FAM13C: variants seen among roughly 807,000 people sequenced by gnomAD.
FAM13C encodes protein FAM13C.
Under a neutral mutation model 73.2 loss-of-function variants are expected in FAM13C, and 37 were observed. That is an observed-to-expected ratio of 0.51 (90% confidence interval 0.39 to 0.67). The LOEUF is 0.67. Ranked by LOEUF, FAM13C falls within the 30% of genes least tolerant of loss-of-function variation. The pLI is 0.00. For synonymous variants in FAM13C, 246 were observed against 260.9 expected (o/e 0.94, Z 0.55); for missense variants, 589 against 715.6 (o/e 0.82, Z 2.02).
intron 4 of FAM13C, among the ~76,000 whole-genome samples, chr10:59,312,393 C>T (rs906948778): frequency 6.6e-6 from 1 of 152,246 alleles, no homozygotes; most frequent in East Asian, 1.9e-4. Context: ...CTCTATCCTT[C>T]ACCTGTCATC....
At chr10:59,254,120 A>G in intron 11 of FAM13C, 1 of 394,730 alleles carries the variant, frequency 2.5e-6, no homozygotes, top group Non-Finnish European at 4.5e-6. Flanking sequence ...TTGGCTCTAG[A>G]CATACAAGTG....
chr10:59,340,095 T>C (rs1317360386), intron 3 of FAM13C, among the ~76,000 whole-genome samples: 1 of 152,198 alleles, frequency 6.6e-6, no homozygotes, highest in Non-Finnish European at 1.5e-5. Context: ...GTTATGGCCT[T>C]GCAATCAGAT....
At chr10:59,331,072 A>G (rs966752860) in intron 3 of FAM13C, among the ~76,000 whole-genome samples, 2 of 152,184 alleles carry the variant, frequency 1.3e-5, no homozygotes, top group Non-Finnish European at 2.9e-5. Context: ...ATCAGGGGCT[A>G]CATTCTGTGC....
At chr10:59,309,366 C>T (rs1848666242) in intron 4 of FAM13C, among the ~76,000 whole-genome samples, 1 of 152,180 alleles carries the variant, frequency 6.6e-6, no homozygotes, top group Non-Finnish European at 1.5e-5. Flanking sequence ...TCTTTCACTA[C>T]CCTTCTGCAC....
intron 6 of FAM13C, among the ~76,000 whole-genome samples, chr10:59,280,192 A>G (rs1844774629): frequency 6.6e-6 from 1 of 152,196 alleles, no homozygotes; most frequent in Non-Finnish European, 1.5e-5. Context: ...TCTGGGAGTG[A>G]AGATTTCCTA....
At chr10:59,313,673 C>A (rs905929845) in intron 4 of FAM13C, among the ~76,000 whole-genome samples, 17 of 152,136 alleles carry the variant, frequency 1.1e-4, no homozygotes, top group African/African-American at 3.9e-4. Context: ...TAGAGGGAAG[C>A]TAAGGTCTAG....
intron 8 of FAM13C, among the ~76,000 whole-genome samples, chr10:59,268,008 C>T (rs189635673): frequency 6.6e-6 from 1 of 152,202 alleles, no homozygotes; most frequent in East Asian, 1.9e-4. Context: ...AAACTAGTGT[C>T]TCTCTGATGG....
chr10:59,268,313 A>T (rs940342057), intron 8 of FAM13C, among the ~76,000 whole-genome samples: 3 of 152,328 alleles, frequency 2.0e-5, no homozygotes, highest in Non-Finnish European at 4.4e-5. Flanking sequence ...TCAATAATCA[A>T]ATAAGTTTGG....
chr10:59,315,030 T>C (rs1390040012), intron 4 of FAM13C, among the ~76,000 whole-genome samples: 1 of 152,186 alleles, frequency 6.6e-6, no homozygotes, highest in Non-Finnish European at 1.5e-5. Flanking sequence ...TCTCTCCTAA[T>C]ATTCTGCTAA....
chr10:59,254,308 C>T (rs1423702715), intron 11 of FAM13C, 40 bp downstream of exon 11: 1 of 1,336,614 alleles, frequency 7.5e-7, no homozygotes, highest in South Asian at 1.4e-5. Flanking sequence ...GTTAACTACA[C>T]ATCAGTACAA....
intron 6 of FAM13C, among the ~76,000 whole-genome samples, chr10:59,281,035 G>A (rs1015507094): frequency 6.6e-6 from 1 of 152,040 alleles, no homozygotes; most frequent in Admixed American, 6.5e-5. Context: ...ATTACTAATT[G>A]AATTTTTATA....
chr10:59,319,972 C>T (rs1400520039), intron 4 of FAM13C, among the ~76,000 whole-genome samples: 3 of 152,172 alleles, frequency 2.0e-5, no homozygotes, highest in African/African-American at 7.2e-5. Context: ...ACATTTTCAT[C>T]CAGGAGGACT....
At chr10:59,322,290 G>C (rs1422279977) in intron 4 of FAM13C, among the ~76,000 whole-genome samples, 1 of 152,164 alleles carries the variant, frequency 6.6e-6, no homozygotes, top group Non-Finnish European at 1.5e-5. Context: ...ACTTAACTAA[G>C]AGTACTAGAC....
chr10:59,280,509 T>C (rs1386770899), intron 6 of FAM13C, among the ~76,000 whole-genome samples: 1 of 152,216 alleles, frequency 6.6e-6, no homozygotes, highest in Non-Finnish European at 1.5e-5. Context: ...CAGACAGAAC[T>C]TGACATTATC....
At chr10:59,362,056 T>C (rs903365108) in intron 1 of FAM13C, among the ~76,000 whole-genome samples, 3 of 152,184 alleles carry the variant, frequency 2.0e-5, no homozygotes, top group African/African-American at 7.2e-5. Flanking sequence ...GTGCACTCCA[T>C]GAAAACTGAC....
chr10:59,279,791 G>A (rs975708171), intron 6 of FAM13C, among the ~76,000 whole-genome samples: 1 of 152,182 alleles, frequency 6.6e-6, no homozygotes, highest in Non-Finnish European at 1.5e-5. Context: ...TATTATGTGG[G>A]TTTCTGCCTT....
chr10:59,247,832 G>A (rs2446724), intron 13 of FAM13C, 95 bp from the exon 14 acceptor site: 1,244,159 of 1,247,384 alleles, frequency 1, 620,535 homozygotes, highest in East Asian at 1. Flanking sequence ...ATACTGTAAC[G>A]GCCTCCACTT....
chr10:59,293,358 G>C (rs570841804), intron 5 of FAM13C, among the ~76,000 whole-genome samples: 11 of 152,148 alleles, frequency 7.2e-5, no homozygotes, highest in Non-Finnish European at 1.0e-4. Flanking sequence ...TTACAGGCGT[G>C]AGCCACTGCG....
chr10:59,352,944 T>A (rs1408488134), intron 2 of FAM13C, among the ~76,000 whole-genome samples: 3 of 152,216 alleles, frequency 2.0e-5, no homozygotes, highest in Non-Finnish European at 4.4e-5. Context: ...TGTTCTTGGT[T>A]CAAGGCACCA....
Sources: allele counts gnomAD v4.1 joint callset (sites outside exome capture counted in the v4.1 genomes callset), GRCh38; gene constraint gnomAD v4.1.1; transcripts MANE v1.5; gene names NCBI Gene and HGNC (gene_info 2026-07-23, HGNC 2026-07-21).